The following KLRG1 variants were observed in gnomAD, a reference collection of about 807,000 sequenced individuals.
The protein encoded by KLRG1 is killer cell lectin like receptor G1, also known as killer cell lectin-like receptor subfamily G member 1.
KLRG1 carries 16 observed loss-of-function variants against 21.8 expected under a neutral mutation model. The observed-to-expected ratio is 0.73, with a 90% confidence interval of 0.50 to 1.11. The LOEUF (loss-of-function observed/expected upper bound fraction) is 1.11. KLRG1 is among the 50% of genes most tolerant of loss of function. KLRG1 has a pLI of 0.00. For synonymous variants in KLRG1, 69 were observed against 75.9 expected, an observed-to-expected ratio of 0.91 and a Z score of 0.47; for missense variants, 173 against 218.3, an observed-to-expected ratio of 0.79 and a Z score of 1.31.
chr12:9,114,907 A>G, the KLRG1 span, among the ~76,000 whole-genome samples: 1 of 152,336 alleles, frequency 6.6e-6, no homozygotes, highest in East Asian at 1.9e-4. Context: ...TGATTCATAC[A>G]TATTAGATAT....
the KLRG1 span, among the ~76,000 whole-genome samples, chr12:9,050,785 G>T: frequency 6.6e-6 from 1 of 152,216 alleles, no homozygotes; most frequent in Non-Finnish European, 1.5e-5. Context: ...CTCCCCTGGC[G>T]CAGGACCTGG....
At chr12:9,192,427 G>A in the KLRG1 span, 7 of 1,357,952 alleles carry the variant, frequency 5.2e-6, no homozygotes, top group Admixed American at 1.2e-4. Flanking sequence ...CTGTGTGCAA[G>A]TAGTTTATTT....
chr12:9,149,396 C>T, the KLRG1 span, among the ~76,000 whole-genome samples: 3 of 152,008 alleles, frequency 2.0e-5, no homozygotes, highest in Non-Finnish European at 2.9e-5. Flanking sequence ...TTGGAGAGTC[C>T]GCTACAGAAT....
At chr12:9,142,472 A>T in the KLRG1 span, among the ~76,000 whole-genome samples, 1 of 152,324 alleles carries the variant, frequency 6.6e-6, no homozygotes, top group African/African-American at 2.4e-5. Context: ...CTCTTAAAAC[A>T]TTTCTAATTT....
chr12:9,033,227 A>G, the KLRG1 span, among the ~76,000 whole-genome samples: 1 of 152,192 alleles, frequency 6.6e-6, no homozygotes, highest in African/African-American at 2.4e-5. Context: ...GCTTGAGCTT[A>G]GGAGTTCAAG....
At chr12:9,102,800 G>A in the KLRG1 span, among the ~76,000 whole-genome samples, 5 of 152,174 alleles carry the variant, frequency 3.3e-5, no homozygotes, top group African/African-American at 9.7e-5. Context: ...GTGCTGGCAC[G>A]TGGAAAGCAT....
the KLRG1 span, among the ~76,000 whole-genome samples, chr12:9,198,233 C>T: frequency 6.6e-6 from 1 of 151,518 alleles, no homozygotes; most frequent in South Asian, 2.1e-4. Flanking sequence ...CACCTGTAGT[C>T]CTAGCTACTT....
chr12:9,191,071 T>C, the KLRG1 span, among the ~76,000 whole-genome samples: 2 of 152,310 alleles, frequency 1.3e-5, no homozygotes, highest in Non-Finnish European at 2.9e-5. Flanking sequence ...TTGACTCAGC[T>C]ACTTTCAATA....
chr12:9,095,061 G>T, the KLRG1 span: 1 of 1,590,364 alleles, frequency 6.3e-7, no homozygotes. Flanking sequence ...TCTTTGAGTT[G>T]GTGAATGCCT....
intron 3 of KLRG1, among the ~76,000 whole-genome samples, chr12:9,001,946 A>G (rs1265263393): frequency 6.6e-6 from 1 of 152,198 alleles, no homozygotes; most frequent in Non-Finnish European, 1.5e-5. Flanking sequence ...TAAGCATTAA[A>G]TTATTCCAGG....
the KLRG1 span, chr12:9,152,212 A>G: frequency 6.4e-7 from 1 of 1,570,272 alleles, no homozygotes; most frequent in Non-Finnish European, 8.8e-7. Flanking sequence ...GGATTAAAAT[A>G]CACCTACCAT....
At chr12:8,985,296 C>T (rs746770237), upstream of KLRG1, among the ~76,000 whole-genome samples, 4 of 150,958 alleles carry the variant, frequency 2.6e-5, no homozygotes, top group African/African-American at 9.7e-5. Flanking sequence ...TAGGGGAAAA[C>T]TTTCTTCAGC....
chr12:9,173,509 C>G, the KLRG1 span, among the ~76,000 whole-genome samples: 2,772 of 151,316 alleles, frequency 0.018, 94 homozygotes, highest in African/African-American at 0.062. Context: ...CATGAAAAAC[C>G]CTCTTAAAAA....
chr12:9,172,680 A>G, the KLRG1 span, among the ~76,000 whole-genome samples: 4 of 152,136 alleles, frequency 2.6e-5, no homozygotes, highest in African/African-American at 9.7e-5. Flanking sequence ...AAGCAATCCT[A>G]GTTTCTGACA....
intron 1 of KLRG1, among the ~76,000 whole-genome samples, chr12:8,974,862 A>G (rs1042868254): frequency 6.6e-6 from 1 of 150,986 alleles, no homozygotes; most frequent in Non-Finnish European, 1.5e-5. Context: ...TGCTTGCCTC[A>G]TAATAATTAT....
At chr12:9,009,224 C>T in intron 4 of KLRG1, 149 bp downstream of exon 4, 1 of 673,760 alleles carries the variant, frequency 1.5e-6, no homozygotes. Flanking sequence ...AGGGAATGAA[C>T]AATGGGTAAG....
At chr12:9,157,579 C>T in the KLRG1 span, among the ~76,000 whole-genome samples, 1 of 152,214 alleles carries the variant, frequency 6.6e-6, no homozygotes. Context: ...GGTTTTGATA[C>T]ATAGTCTATG....
chr12:8,993,414 G>A (rs935919707), intron 2 of KLRG1, among the ~76,000 whole-genome samples: 2 of 151,882 alleles, frequency 1.3e-5, no homozygotes, highest in East Asian at 1.9e-4. Context: ...TCAGCCTCCC[G>A]AGTAGCTGGG....
the KLRG1 span, among the ~76,000 whole-genome samples, chr12:9,204,121 C>G: frequency 3.9e-5 from 6 of 152,160 alleles, no homozygotes; most frequent in Admixed American, 1.3e-4. Context: ...AAAATTTTAT[C>G]TTTTACTCAT....
Sources: gnomAD v4.1 joint callset for allele counts (sites outside exome capture counted in the v4.1 genomes callset) on GRCh38, gnomAD v4.1.1 for gene constraint, MANE v1.5 for transcripts, NCBI Gene and HGNC (gene_info 2026-07-23, HGNC 2026-07-21) for gene names.